Variants in DLG2 observed in about 807,000 individuals in gnomAD.
The protein encoded by DLG2 is discs large MAGUK scaffold protein 2, also known as disks large homolog 2.
DLG2 carries 45 observed loss-of-function variants against 132.5 expected under a neutral mutation model. That is an observed-to-expected ratio of 0.34 (90% confidence interval 0.27 to 0.44). DLG2 has a LOEUF of 0.44. Among genes scored for constraint, DLG2 ranks in the 20% least tolerant of loss-of-function variants. The pLI is 1.00. For missense variants in DLG2, 1,045 were observed against 1,196.9 expected (o/e 0.87, Z 1.87); for synonymous variants, 424 against 419.6 (o/e 1.01, Z -0.13).
intron 6 of DLG2, among the ~76,000 whole-genome samples, chr11:84,539,837 T>C (rs1179985924): frequency 1.3e-5 from 2 of 151,840 alleles, no homozygotes; most frequent in African/African-American, 2.4e-5. Context: ...CAAAACAGCA[T>C]GGTAGGTATA....
intron 14 of DLG2, among the ~76,000 whole-genome samples, chr11:83,947,528 A>G (rs2084350285): frequency 6.6e-6 from 1 of 152,166 alleles, no homozygotes; most frequent in Admixed American, 6.6e-5. Flanking sequence ...ACTCCCAGCT[A>G]GCTCAACTAT....
intron 5 of DLG2, among the ~76,000 whole-genome samples, chr11:85,146,920 C>T (rs1335917545): frequency 3.9e-5 from 6 of 152,188 alleles, no homozygotes; most frequent in South Asian, 2.1e-4. Flanking sequence ...GGAGAATTCC[C>T]CTTTGAATGG....
chr11:85,474,734 A>G (rs372973643), intron 3 of DLG2, among the ~76,000 whole-genome samples: 1 of 151,734 alleles, frequency 6.6e-6, no homozygotes, highest in South Asian at 2.1e-4. Flanking sequence ...TAAGGAATTA[A>G]TTTTAATTTT....
At chr11:84,099,660 G>T (rs1354735189) in intron 9 of DLG2, among the ~76,000 whole-genome samples, 1 of 151,168 alleles carries the variant, frequency 6.6e-6, no homozygotes, top group Admixed American at 6.6e-5. Flanking sequence ...CAGCAGCATG[G>T]AAATCTGAGT....
At chr11:83,703,308 G>A (rs1483958196) in intron 18 of DLG2, among the ~76,000 whole-genome samples, 1 of 152,106 alleles carries the variant, frequency 6.6e-6, no homozygotes, top group Non-Finnish European at 1.5e-5. Flanking sequence ...CTAGGTTCTT[G>A]AATTGTAATG....
intron 7 of DLG2, among the ~76,000 whole-genome samples, chr11:84,418,138 G>A (rs2098936141): frequency 6.6e-6 from 1 of 152,152 alleles, no homozygotes; most frequent in Non-Finnish European, 1.5e-5. Context: ...TTTAAAAGGA[G>A]TTTGCATATG....
chr11:83,906,907 A>T (rs1378021475), intron 15 of DLG2, among the ~76,000 whole-genome samples: 1 of 152,210 alleles, frequency 6.6e-6, no homozygotes, highest in East Asian at 1.9e-4. Flanking sequence ...TCGGTAACAT[A>T]AAATAAGCAC....
At chr11:84,821,653 A>AC (rs2077708987) in intron 6 of DLG2, among the ~76,000 whole-genome samples, 1 of 150,958 alleles carries the variant, frequency 6.6e-6, no homozygotes, top group African/African-American at 2.4e-5. Context: ...AACAACAACA[A>AC]AAAAAACAAA....
intron 3 of DLG2, among the ~76,000 whole-genome samples, chr11:85,398,708 C>T (rs2087688031): frequency 6.6e-6 from 1 of 152,156 alleles, no homozygotes; most frequent in African/African-American, 2.4e-5. Context: ...GACACATACT[C>T]TCCCAAGACT....
At chr11:84,783,817 G>A (rs2072286986) in intron 6 of DLG2, among the ~76,000 whole-genome samples, 1 of 151,912 alleles carries the variant, frequency 6.6e-6, no homozygotes, top group Non-Finnish European at 1.5e-5. Context: ...ATAATTATTG[G>A]TATCTGTATG....
At chr11:84,446,194 A>G (rs1173318596) in intron 7 of DLG2, among the ~76,000 whole-genome samples, 1 of 151,956 alleles carries the variant, frequency 6.6e-6, no homozygotes, top group African/African-American at 2.4e-5. Flanking sequence ...TCCATTTTTA[A>G]TCAATTGTTT....
intron 7 of DLG2, among the ~76,000 whole-genome samples, chr11:84,492,812 A>C (rs2099168834): frequency 6.6e-6 from 1 of 152,096 alleles, no homozygotes; most frequent in Non-Finnish European, 1.5e-5. Context: ...ACTGTTTTAA[A>C]TGGAGTGTCT....
At chr11:85,065,585 A>T (rs1189457951) in intron 6 of DLG2, among the ~76,000 whole-genome samples, 1 of 151,014 alleles carries the variant, frequency 6.6e-6, no homozygotes, top group Non-Finnish European at 1.5e-5. Flanking sequence ...TTATACTTTA[A>T]GTTCTGGGAT....
chr11:83,761,963 T>C (rs2093930255), intron 18 of DLG2, among the ~76,000 whole-genome samples: 1 of 152,190 alleles, frequency 6.6e-6, no homozygotes, highest in Non-Finnish European at 1.5e-5. Context: ...TACCAGATGC[T>C]GGGCAAGTAC....
At chr11:84,578,512 T>G (rs1403213203) in intron 6 of DLG2, among the ~76,000 whole-genome samples, 3 of 152,144 alleles carry the variant, frequency 2.0e-5, no homozygotes, top group Non-Finnish European at 4.4e-5. Context: ...GTTTTAAAAT[T>G]TGACTGCCCC....
chr11:84,973,737 T>C (rs750848292), intron 6 of DLG2, among the ~76,000 whole-genome samples: 6 of 152,206 alleles, frequency 3.9e-5, no homozygotes, highest in Non-Finnish European at 5.9e-5. Context: ...GCAAGCTATA[T>C]GGTCTCCATT....
At chr11:83,499,895 A>ATATATATATCTATCTATC (rs1296866569) in intron 21 of DLG2, among the ~76,000 whole-genome samples, 8 of 114,522 alleles carry the variant, frequency 7.0e-5, no homozygotes, top group African/African-American at 2.4e-4. Context: ...ATATATATAT[A>ATATATATATCTATCTATC]TATCAGTTCT....
At chr11:85,101,481 GT>G (rs1363816216) in intron 6 of DLG2, among the ~76,000 whole-genome samples, 8 of 152,002 alleles carry the variant, frequency 5.3e-5, no homozygotes, top group Non-Finnish European at 1.2e-4. Context: ...TATAATTAAG[GT>G]TTGTGGGTAT....
chr11:83,596,255 A>T (rs1202646798), intron 19 of DLG2, among the ~76,000 whole-genome samples: 1 of 152,118 alleles, frequency 6.6e-6, no homozygotes, highest in Non-Finnish European at 1.5e-5. Context: ...CATAATAAAA[A>T]ATAATTTTCC....
Sources: allele counts gnomAD v4.1 joint callset (sites outside exome capture counted in the v4.1 genomes callset), GRCh38; gene constraint gnomAD v4.1.1; transcripts MANE v1.5; gene names NCBI Gene and HGNC (gene_info 2026-07-23, HGNC 2026-07-21).